Variants in NBPF9 observed in about 807,000 individuals in gnomAD.
NBPF9 encodes the protein NBPF family member NBPF9.
In NBPF9, 91 loss-of-function variants were observed where a neutral mutation model predicts 97.8. The observed-to-expected ratio is 0.93, with a 90% CI of 0.79 to 1.11. The LOEUF (loss-of-function observed/expected upper bound fraction) is 1.11, where lower values mean the gene tolerates loss of function less well. NBPF9 is among the 50% of genes least tolerant of loss of function. The pLI is 0.00. For synonymous variants in NBPF9, 334 were observed against 359.5 expected (o/e 0.93, Z 0.80); for missense variants, 992 against 939.5 (o/e 1.06, Z -0.73).
At chr1:149,058,341 T>C in intron 26 of NBPF9, 126 bp from the exon 27 acceptor site, 1 of 482,070 alleles carries the variant, frequency 2.1e-6, no homozygotes, top group East Asian at 7.2e-5. Context: ...ATGTGACAGA[T>C]ATACTTCAGG....
At chr1:149,084,165 G>A (rs2080772772) in intron 5 of NBPF9, among the ~76,000 whole-genome samples, 1 of 148,750 alleles carries the variant, frequency 6.7e-6, no homozygotes, top group South Asian at 2.1e-4. Context: ...GGTGAGGGCT[G>A]GGGGAGGGAT....
chr1:149,098,668 C>G (rs1553662497), exon 4 of NBPF9: 2 of 856,102 alleles, frequency 2.3e-6, no homozygotes, highest in Non-Finnish European at 1.5e-6. Flanking sequence ...TCACCAGGAA[C>G]CTTCGCCTGC....
chr1:149,071,565 G>A (rs2079413668), intron 15 of NBPF9, 39 bp downstream of exon 15: 1 of 949,776 alleles, frequency 1.1e-6, no homozygotes, highest in African/African-American at 1.8e-5. Context: ...TTCCTCATAT[G>A]TTACCATCCA....
At position 149,084,469 on chromosome 1, in the gene NBPF9, G is replaced by A. The variant is rs1186107311; in HGVS notation, c.-194-2039C>T. Reference sequence around the variant, plus strand: ...TTTTCTTTTTTAAGTGGCGGAGCGAGGGCTACTGCACAGCTAGCAGAGTCG... The same window carrying A: ...TTTTCTTTTTTAAGTGGCGGAGCGAAGGCTACTGCACAGCTAGCAGAGTCG... On this transcript the variant is annotated intron_variant, in intron 5 of 29. Transcript: ENST00000584027. Among the ~76,000 whole-genome samples the A allele has an allele frequency of 1.6e-4, 24 of 147,404 alleles. 1 individual carries two copies. The highest frequency in any genetic ancestry group is 1.6e-3 in the Admixed American group (24 of 14,756).
At position 149,055,376 on chromosome 1, in the gene NBPF9, T is replaced by G. The variant is rs1374545034; in HGVS notation, c.*280A>C. On this transcript the variant is annotated 3_prime_UTR_variant, in exon 30 of 30. Transcript: ENST00000584027. ...GCAAAATGAAATCCCTGAGGAATTTTGTAGCTACCCAGAGATACGTGGTTC... is the reference window on the plus strand; with the variant it reads ...GCAAAATGAAATCCCTGAGGAATTTGGTAGCTACCCAGAGATACGTGGTTC... The G allele has an allele frequency of 6.5e-6, 4 of 617,504 alleles. No homozygotes were observed. In the African/African-American group the frequency reaches 7.4e-5, roughly 11 times the overall value. 38.3% of individuals were successfully genotyped at this position (617,504 alleles called of 1,614,324 possible). A position where few individuals can be genotyped will look rare whatever the true frequency, so the allele number is the denominator to read the frequency against.
Position 149,059,347 on chromosome 1 carries a change from A to G in NBPF9, c.2586-250T>C, listed in dbSNP as rs1344182848. On this transcript the variant is annotated intron_variant, in intron 25 of 29. Transcript: ENST00000584027. ...ACCTAGTGAATTGGCCGGGTGACAC[A>G]CTGATGAAGGAGTAAAAGGACACTC... is the stretch of plus-strand genomic sequence containing the variant. 3 of 460,116 alleles carry G rather than the reference A, an allele frequency of 6.5e-6. 1 individual carries two copies. The highest frequency in any genetic ancestry group is 1.2e-5 in the Non-Finnish European group (3 of 248,792). The allele number at this position is 460,116 out of a possible 1,614,324, so 28.5% of individuals were successfully genotyped here. A position where few individuals can be genotyped will look rare whatever the true frequency, so the allele number is the denominator to read the frequency against.
Position 149,060,901 on chromosome 1 carries a change from AC to A in NBPF9, c.2304-207del, listed in dbSNP as rs1575823429. 382 of 388,406 alleles carry A rather than the reference AC, an allele frequency of 9.8e-4. 9 individuals are homozygous for A. In the East Asian group the frequency reaches 0.011, roughly 11 times the overall value. The allele number at this position is 388,406 out of a possible 1,614,324, so 24.1% of individuals were successfully genotyped here. A position where few individuals can be genotyped will look rare whatever the true frequency, so the allele number is the denominator to read the frequency against. Reference sequence around the variant, plus strand: ...AAGAGAAAGACAGATAGACACACACACACACACACACACACACACACACAAA... The same window carrying A: ...AAGAGAAAGACAGATAGACACACACAACACACACACACACACACACACAAA... On this transcript the variant is annotated intron_variant, in intron 23 of 29. Coordinates refer to ENST00000584027, the Ensembl canonical transcript of NBPF9.
intron 6 of NBPF9, 26 bp downstream of exon 6, chr1:149,082,246 G>C (rs2080535837): frequency 2.3e-6 from 3 of 1,284,840 alleles, no homozygotes; most frequent in African/African-American, 3.0e-5. Context: ...TCAGGACTGA[G>C]GGATGTCAGT....
chr1:149,063,105 G>T (rs1341316552), intron 20 of NBPF9, among the ~76,000 whole-genome samples, 192 bp from the exon 21 acceptor site: 8 of 141,218 alleles, frequency 5.7e-5, no homozygotes, highest in African/African-American at 2.2e-4. Context: ...AGAAACTGTG[G>T]GTAAAATTCC....
Position 149,062,156 on chromosome 1 carries a change from G to A in NBPF9, c.2188C>T (p.Pro730Ser), listed in dbSNP as rs782163340. The stretch of plus-strand genomic sequence containing the variant: ...AATGAGTAAACAGCACTGCTGTAGG[G>A]CTGGCCTAAGTCAGGCAGTTCAAGA... The change falls in exon 22 of 30, where the codon CCC (proline) becomes TCC (serine). Residue 730 changes from proline to serine, a missense_variant. Pro to Ser is a moderately conservative substitution (Grantham distance 74). Transcript: ENST00000584027. 4.1e-5 allele frequency: 40 copies of A among 972,312 alleles called. 3 individuals are homozygous for A. In the South Asian group the frequency reaches 4.9e-4, roughly 12 times the overall value. 60.2% of individuals were successfully genotyped at this position (972,312 alleles called of 1,614,324 possible).
At chr1:149,097,809 A>G (rs1333617457) in intron 4 of NBPF9, among the ~76,000 whole-genome samples, 2 of 152,284 alleles carry the variant, frequency 1.3e-5, no homozygotes, top group East Asian at 1.9e-4. Flanking sequence ...GTCCACCACA[A>G]GGTCCTGGGG....
intron 12 of NBPF9, among the ~76,000 whole-genome samples, chr1:149,074,595 G>C (rs1553653843): frequency 6.6e-6 from 1 of 151,282 alleles, no homozygotes; most frequent in African/African-American, 2.4e-5. Context: ...CCTCTGAACA[G>C]GTGAGGTAAC....
intron 1 of NBPF9, 120 bp downstream of exon 1, chr1:149,103,181 C>A (rs1575887702): frequency 6.6e-6 from 1 of 151,050 alleles, no homozygotes; most frequent in Non-Finnish European, 1.5e-5. Flanking sequence ...CCTCCCAACC[C>A]CCCACCCCGC....
chr1:149,076,342 G>C (rs1469345118), intron 11 of NBPF9, among the ~76,000 whole-genome samples: 3 of 150,692 alleles, frequency 2.0e-5, no homozygotes, highest in Non-Finnish European at 3.0e-5. Flanking sequence ...GGATTACAAG[G>C]GCCAAGTAAC....
At chr1:149,100,793 G>A (rs2082095873) in intron 3 of NBPF9, among the ~76,000 whole-genome samples, 1 of 151,928 alleles carries the variant, frequency 6.6e-6, no homozygotes, top group Non-Finnish European at 1.5e-5. Flanking sequence ...AATTAAGCCA[G>A]GCATGGTGGC....
In NBPF9 at chr1:149,079,717, C is replaced by G. The variant is rs1472622523; in HGVS notation, c.278+336G>C. Among the ~76,000 whole-genome samples, 1,062 of 151,656 alleles carry G rather than the reference C, an allele frequency of 7.0e-3. 5 individuals carry two copies. Among genetic ancestry groups the G allele is most frequent in the Middle Eastern group, 0.048 (14 of 292 alleles). ...AGCCGCAGTCAGTCAGGAGGTGATT[C>G]TCACTAAGGGTAAGTGGGGTGGCAA... On this transcript the variant is annotated intron_variant, in intron 8 of 29. Transcript: ENST00000584027.
intron 4 of NBPF9, among the ~76,000 whole-genome samples, chr1:149,091,718 G>A (rs1232047785): frequency 7.4e-6 from 1 of 134,340 alleles, no homozygotes; most frequent in Admixed American, 7.7e-5. Context: ...ACTATTTTGG[G>A]TTATTGACTT....
intron 16 of NBPF9, among the ~76,000 whole-genome samples, chr1:149,070,731 G>C (rs1271711116): frequency 1.3e-5 from 2 of 152,180 alleles, no homozygotes; most frequent in East Asian, 3.9e-4. Context: ...TGTCACACTT[G>C]CCTGGGGTTG....
At chr1:149,079,790 C>A (rs1340874715) in intron 8 of NBPF9, among the ~76,000 whole-genome samples, 1 of 152,016 alleles carries the variant, frequency 6.6e-6, no homozygotes, top group Non-Finnish European at 1.5e-5. Flanking sequence ...GGTTCCCACT[C>A]CTTTGGTGAA....
Sources: gnomAD v4.1 joint callset for allele counts (sites outside exome capture counted in the v4.1 genomes callset) on GRCh38, gnomAD v4.1.1 for gene constraint, MANE v1.5 for transcripts, NCBI Gene and HGNC (gene_info 2026-07-23, HGNC 2026-07-21) for gene names.